The following ZNF610 variants were observed in gnomAD, a reference collection of about 807,000 sequenced individuals.
The protein encoded by ZNF610 is zinc finger protein 610, also known as zink finger protein.
A neutral mutation model predicts 14.1 loss-of-function variants in ZNF610; 14 were observed. That is an observed-to-expected ratio of 0.99 (90% confidence interval 0.65 to 1.55). The LOEUF is 1.55. Among genes scored for constraint, ZNF610 ranks in the 40% most tolerant of loss-of-function variants. The pLI, the probability that ZNF610 is intolerant of heterozygous loss-of-function variation, is 0.00. For synonymous variants in ZNF610, 185 were observed against 187.6 expected (o/e 0.99, Z 0.11); for missense variants, 530 against 558.0 (o/e 0.95, Z 0.51).
chr19:52,365,503 C>T (rs879418194), intron 5 of ZNF610, among the ~76,000 whole-genome samples, 195 bp from the exon 6 acceptor site: 11 of 152,124 alleles, frequency 7.2e-5, no homozygotes, highest in Non-Finnish European at 1.3e-4. Context: ...ATAATCCTCC[C>T]GAGTCCTGCA....
intron 1 of ZNF610, among the ~76,000 whole-genome samples, chr19:52,340,496 C>G (rs531797008): frequency 1.3e-3 from 195 of 152,118 alleles, no homozygotes; most frequent in Middle Eastern, 6.8e-3. Flanking sequence ...AGGGAAGAGA[C>G]TTGGCCCACC....
intron 3 of ZNF610, among the ~76,000 whole-genome samples, chr19:52,352,775 T>C (rs1168201460): frequency 6.6e-6 from 1 of 152,074 alleles, no homozygotes; most frequent in Admixed American, 6.6e-5. Flanking sequence ...TTAGAGGAAA[T>C]GCATCCCACG....
At chr19:52,358,013 TG>T (rs1382024499) in intron 5 of ZNF610, among the ~76,000 whole-genome samples, 2 of 152,148 alleles carry the variant, frequency 1.3e-5, no homozygotes, top group Non-Finnish European at 2.9e-5. Flanking sequence ...CCAGTCCTTT[TG>T]GGTTTTTATA....
At chr19:52,335,795 G>A (rs182417766), upstream of ZNF610, among the ~76,000 whole-genome samples, 3 of 152,236 alleles carry the variant, frequency 2.0e-5, no homozygotes, top group East Asian at 5.8e-4. Flanking sequence ...AACTTGCATC[G>A]CCTTCACACA....
chr19:52,344,751 C>T (rs1984854264), intron 1 of ZNF610, among the ~76,000 whole-genome samples: 1 of 152,192 alleles, frequency 6.6e-6, no homozygotes, highest in Non-Finnish European at 1.5e-5. Flanking sequence ...TTTTAAATTT[C>T]TTGCCATTCC....
At chr19:52,356,038 A>G (rs990893734) in intron 5 of ZNF610, among the ~76,000 whole-genome samples, 4 of 152,182 alleles carry the variant, frequency 2.6e-5, no homozygotes, top group African/African-American at 7.2e-5. Flanking sequence ...CTTTCTGGTA[A>G]TCAGCCCCAT....
upstream of ZNF610, among the ~76,000 whole-genome samples, chr19:52,335,036 C>T (rs138752401): frequency 0.026 from 3,831 of 145,114 alleles, 73 homozygotes; most frequent in Middle Eastern, 0.037. Context: ...TGGCTCACCC[C>T]TGTAATCCCA....
chr19:52,345,850 G>C (rs1011210315), intron 1 of ZNF610, among the ~76,000 whole-genome samples: 5 of 151,454 alleles, frequency 3.3e-5, no homozygotes, highest in Non-Finnish European at 1.5e-5. Flanking sequence ...GACTACAGGC[G>C]CTCACCACCA....
At chr19:52,361,866 AGTTT>A (rs1453652449) in intron 5 of ZNF610, among the ~76,000 whole-genome samples, 1 of 151,558 alleles carries the variant, frequency 6.6e-6, no homozygotes, top group Non-Finnish European at 1.5e-5. Flanking sequence ...CTTTCTATTT[AGTTT>A]GGTTTTTTTT....
At chr19:52,353,258 A>G (rs528302949) in intron 3 of ZNF610, among the ~76,000 whole-genome samples, 1 of 152,318 alleles carries the variant, frequency 6.6e-6, no homozygotes, top group African/African-American at 2.4e-5. Flanking sequence ...AAATTAGTGT[A>G]TAATATTCTT....
At chr19:52,355,328 A>C (rs779330798) in intron 5 of ZNF610, among the ~76,000 whole-genome samples, 21 of 152,202 alleles carry the variant, frequency 1.4e-4, no homozygotes, top group Non-Finnish European at 2.6e-4. Context: ...ATGAGAGAAC[A>C]TGAGCTACTC....
intron 5 of ZNF610, among the ~76,000 whole-genome samples, chr19:52,365,060 A>G (rs1600241863): frequency 6.6e-6 from 1 of 151,528 alleles, no homozygotes; most frequent in Non-Finnish European, 1.5e-5. Flanking sequence ...AGTCTGGCCA[A>G]CGTGGTGAAA....
At chr19:52,332,171 G>A (rs1189019741), upstream of ZNF610, among the ~76,000 whole-genome samples, 2 of 152,122 alleles carry the variant, frequency 1.3e-5, no homozygotes, top group Non-Finnish European at 2.9e-5. This position sits in a 1 kb window ranked among gnomAD's most constrained non-coding sequence, Gnocchi z 4.1. Flanking sequence ...TCTGAATCAG[G>A]GTAACAAGGG....
At position 52,357,623 on chromosome 19, in the gene ZNF610, A is replaced by T. The variant is rs535732253; in HGVS notation, c.319+3244A>T. Among the ~76,000 whole-genome samples the T allele has an allele frequency of 5.7e-4, 68 of 119,176 alleles. No individual in the cohort carries two copies. The South Asian group carries it at 0.02, about 35-fold the overall frequency. The allele number at this position is 119,176 out of a possible 152,430, so 78.2% of individuals were successfully genotyped here. ...TGGTGCCACTGCACTCCAGCCTGGG[A>T]GATAGAGCGAGCCTCCATCTCAAAA... On this transcript the variant is annotated intron_variant, in intron 5 of 5. Transcript: ENST00000403906.
At chr19:52,339,454 C>T (rs1191758943) in intron 1 of ZNF610, among the ~76,000 whole-genome samples, 1 of 146,140 alleles carries the variant, frequency 6.8e-6, no homozygotes, top group Non-Finnish European at 1.5e-5. Context: ...GTATTGTGTC[C>T]CTGGGTACTC....
At chr19:52,334,936 A>ACACACACACAC (rs1984299564), upstream of ZNF610, among the ~76,000 whole-genome samples, 1 of 41,536 alleles carries the variant, frequency 2.4e-5, no homozygotes, top group Non-Finnish European at 5.0e-5. Flanking sequence ...CTCAAAAACA[A>ACACACACACAC]ACACACACAC....
Position 52,353,032 on chromosome 19 carries a change from A to G in ZNF610, c.64-650A>G, listed in dbSNP as rs754716481. Among the ~76,000 whole-genome samples, 219 of 151,958 alleles carry G rather than the reference A, an allele frequency of 1.4e-3. 1 individual carries two copies. Among genetic ancestry groups the G allele is most frequent in the Non-Finnish European group, 2.3e-3 (155 of 67,960 alleles). Reference sequence around the variant, plus strand: ...CGGCTCACTGCAACCTCTGCCTCCCAGGTTCAAGCAATTCTCCTGCCTCAG... The same window carrying G: ...CGGCTCACTGCAACCTCTGCCTCCCGGGTTCAAGCAATTCTCCTGCCTCAG... On this transcript the variant is annotated intron_variant, in intron 3 of 5. Transcript: ENST00000403906.
the ZNF610 span, among the ~76,000 whole-genome samples, chr19:52,330,623 T>C: frequency 1.1e-4 from 16 of 152,340 alleles, no homozygotes; most frequent in South Asian, 3.3e-3. Flanking sequence ...GGCTTTTTTA[T>C]TTCCATGGAC....
At position 52,365,743 on chromosome 19, in the gene ZNF610, A is replaced by G. The variant is rs1048325580; in HGVS notation, c.365A>G (p.Lys122Arg). 6.2e-7 allele frequency: 1 copy of G among 1,611,796 alleles called. No homozygotes were observed. Residue 122 changes from lysine to arginine, a missense_variant, in exon 6 of 6, where the codon AAA becomes AGA. Coordinates refer to ENST00000403906, the MANE Select transcript of ZNF610 (RefSeq NM_001161425.2). ...LGSNAENKPIKNQLGLTLEAH... is the reference protein window; with the variant it reads ...LGSNAENKPIRNQLGLTLEAH... ...AGCAATGCAGAAAACAAGCCTATTA[A>G]AAATCAACTTGGATTAACCCTTGAG...
Sources: gnomAD v4.1 joint callset for allele counts (sites outside exome capture counted in the v4.1 genomes callset) on GRCh38, gnomAD v4.1.1 for gene constraint, Gnocchi (gnomAD v3.1) non-coding constraint, MANE v1.5 for transcripts, NCBI Gene and HGNC (gene_info 2026-07-23, HGNC 2026-07-21) for gene names.